Variants in AMD1 observed in about 807,000 individuals in gnomAD.
AMD1 encodes S-adenosylmethionine decarboxylase proenzyme.
Under a neutral mutation model 40.2 loss-of-function variants are expected in AMD1, and 11 were observed. The observed-to-expected ratio is 0.27, with a 90% CI of 0.17 to 0.45. The LOEUF (loss-of-function observed/expected upper bound fraction) is 0.45, where lower values mean the gene tolerates loss of function less well. Among genes scored for constraint, AMD1 ranks in the 20% least tolerant of loss-of-function variants. The pLI is 1.00. For missense variants in AMD1, 257 were observed against 410.2 expected (o/e 0.63, Z 3.23); for synonymous variants, 121 against 130.8 (o/e 0.93, Z 0.51).
chr6:110,848,600 A>C, the AMD1 span: 1 of 549,516 alleles, frequency 1.8e-6, no homozygotes, highest in East Asian at 7.3e-5. Flanking sequence ...GGAAAGGTGC[A>C]AAAAATAAAT....
upstream of AMD1, among the ~76,000 whole-genome samples, chr6:110,872,713 G>A (rs548867870): frequency 1.3e-4 from 20 of 152,212 alleles, no homozygotes; most frequent in Middle Eastern, 6.8e-3. Context: ...TTTTACAAAG[G>A]ACCAATCCAG....
the AMD1 span, among the ~76,000 whole-genome samples, chr6:110,824,355 A>C: frequency 6.6e-6 from 1 of 152,208 alleles, no homozygotes; most frequent in Non-Finnish European, 1.5e-5. Flanking sequence ...CCCACTTACA[A>C]GTAGGGCTAA....
At chr6:110,856,631 T>C in the AMD1 span, 2 of 152,148 alleles carry the variant, frequency 1.3e-5, no homozygotes, top group Non-Finnish European at 2.9e-5. Flanking sequence ...AAGGACTCTG[T>C]GGCAGGGAAG....
At chr6:110,882,049 G>A (rs1271379490) in intron 1 of AMD1, among the ~76,000 whole-genome samples, 2 of 152,180 alleles carry the variant, frequency 1.3e-5, no homozygotes, top group Non-Finnish European at 2.9e-5. Flanking sequence ...GTGCTTCAAA[G>A]TCTCAGTTTG....
chr6:110,855,269 A>C, the AMD1 span, among the ~76,000 whole-genome samples: 1 of 150,728 alleles, frequency 6.6e-6, no homozygotes, highest in East Asian at 1.9e-4. Flanking sequence ...TGTACTTAAA[A>C]CTCTGTAACT....
At chr6:110,883,882 C>T (rs1785542076) in intron 1 of AMD1, among the ~76,000 whole-genome samples, 3 of 152,240 alleles carry the variant, frequency 2.0e-5, no homozygotes, top group Admixed American at 6.5e-5. Context: ...TGAGCCACTG[C>T]GCCCGGCCAA....
At chr6:110,835,716 T>A in the AMD1 span, among the ~76,000 whole-genome samples, 2 of 152,018 alleles carry the variant, frequency 1.3e-5, no homozygotes, top group Admixed American at 6.6e-5. Context: ...AGTACAAAAA[T>A]TAGCTGGGCA....
chr6:110,857,708 A>G, the AMD1 span, among the ~76,000 whole-genome samples: 1 of 146,430 alleles, frequency 6.8e-6, no homozygotes, highest in Non-Finnish European at 1.5e-5. Flanking sequence ...ATATATATAG[A>G]TGGTATATAT....
chr6:110,875,454 G>A, intron 1 of AMD1: 1 of 452,268 alleles, frequency 2.2e-6, no homozygotes, highest in Middle Eastern at 6.0e-4. Flanking sequence ...TGGGGGAGGG[G>A]AGGAGGCCGG....
At chr6:110,863,279 G>T in the AMD1 span, among the ~76,000 whole-genome samples, 1 of 150,566 alleles carries the variant, frequency 6.6e-6, no homozygotes, top group Non-Finnish European at 1.5e-5. Context: ...AATGAGTCTC[G>T]ATTGTAGATA....
At chr6:110,884,508 A>C (rs1414059360) in intron 1 of AMD1, among the ~76,000 whole-genome samples, 1 of 152,168 alleles carries the variant, frequency 6.6e-6, no homozygotes, top group Non-Finnish European at 1.5e-5. Context: ...ATCATGGTTC[A>C]CTGCACCCTC....
At position 110,892,327 on chromosome 6, in the gene AMD1, A is replaced by AGTC; in HGVS notation, c.501_503dup (p.Arg168dup). 1 of 1,613,652 alleles carries AGTC rather than the reference A, an allele frequency of 6.2e-7. No homozygotes were observed. Among genetic ancestry groups the AGTC allele is most frequent in the Admixed American group, 1.7e-5 (1 of 60,016 alleles). On this transcript the variant is annotated inframe_insertion, in exon 6 of 9. Coordinates refer to ENST00000368885, the MANE Select transcript of AMD1 (RefSeq NM_001634.6). ...CTTATATACTCTGGATTTCCCAGAG[A>AGTC]GTCGGGTAATCAGTCAGCCAGATCA...
At chr6:110,867,368 T>C in the AMD1 span, among the ~76,000 whole-genome samples, 3 of 151,784 alleles carry the variant, frequency 2.0e-5, no homozygotes, top group East Asian at 5.8e-4. Context: ...GATTATAACA[T>C]AAAAAGTAAA....
intron 1 of AMD1, among the ~76,000 whole-genome samples, chr6:110,879,879 G>A (rs578054526): frequency 6.6e-6 from 1 of 152,208 alleles, no homozygotes; most frequent in East Asian, 1.9e-4. Flanking sequence ...ACCTAACTGG[G>A]TATGGGAATA....
the AMD1 span, chr6:110,815,492 G>A: frequency 2.3e-3 from 406 of 178,418 alleles, 2 homozygotes; most frequent in African/African-American, 9.3e-3. Context: ...GGTCGCGGAG[G>A]CTCCTGGGAA....
upstream of AMD1, among the ~76,000 whole-genome samples, chr6:110,873,100 G>A (rs989297184): frequency 6.6e-6 from 1 of 152,154 alleles, no homozygotes; most frequent in Non-Finnish European, 1.5e-5. Flanking sequence ...AGAGGGCTGG[G>A]TGCGGTGGCC....
intron 1 of AMD1, among the ~76,000 whole-genome samples, chr6:110,880,880 C>G (rs1785373794): frequency 6.6e-6 from 1 of 152,034 alleles, no homozygotes; most frequent in Admixed American, 6.6e-5. Flanking sequence ...CTATGTTGGT[C>G]AGGCTGGTCT....
At chr6:110,819,891 T>C in the AMD1 span, among the ~76,000 whole-genome samples, 1 of 152,196 alleles carries the variant, frequency 6.6e-6, no homozygotes, top group Non-Finnish European at 1.5e-5. Flanking sequence ...CCTGGTCTCC[T>C]TGTTGCCCAT....
In AMD1 at chr6:110,875,034, G is replaced by A; in HGVS notation, c.-72G>A. The stretch of plus-strand genomic sequence containing the variant: ...AGCTGGAACAATCCGCAGCGGCGGC[G>A]GCAGCGGCGGGAGAAGAGGTTTAAT... On this transcript the variant is annotated 5_prime_UTR_variant, in exon 1 of 9. Transcript: ENST00000368885. The A allele has an allele frequency of 3.4e-6, 4 of 1,177,338 alleles. 1 individual carries two copies. In the South Asian group the frequency reaches 5.3e-5, roughly 15 times the overall value. 72.9% of individuals were successfully genotyped at this position (1,177,338 alleles called of 1,614,324 possible).
Sources: gnomAD v4.1 joint callset for allele counts (sites outside exome capture counted in the v4.1 genomes callset) on GRCh38, gnomAD v4.1.1 for gene constraint, MANE v1.5 for transcripts, NCBI Gene and HGNC (gene_info 2026-07-23, HGNC 2026-07-21) for gene names.